The following FANCC variants were observed in gnomAD, a reference collection of about 807,000 sequenced individuals.
FANCC encodes FA complementation group C.
FANCC carries 55 observed loss-of-function variants against 71.3 expected under a neutral mutation model. The ratio of observed to expected loss-of-function variants is 0.77; its 90% CI spans 0.62 to 0.97. FANCC has a LOEUF of 0.97. Among genes scored for constraint, FANCC ranks in the 50% least tolerant of loss-of-function variants. The pLI is 0.00. For missense variants in FANCC, 678 were observed against 670.9 expected (o/e 1.01, Z -0.12); for synonymous variants, 275 against 244.9 (o/e 1.12, Z -1.15).
intron 6 of FANCC, among the ~76,000 whole-genome samples, chr9:95,151,410 T>C (rs1167489643): frequency 1.3e-5 from 2 of 152,234 alleles, no homozygotes; most frequent in Admixed American, 1.3e-4. Context: ...AAATTTAGTC[T>C]TGTGTTTTGT....
intron 1 of FANCC, among the ~76,000 whole-genome samples, chr9:95,306,756 C>T (rs897273935): frequency 2.6e-5 from 4 of 152,190 alleles, no homozygotes; most frequent in Non-Finnish European, 4.4e-5. Context: ...ACACAATCAA[C>T]CCAAGAAGTT....
chr9:95,161,461 CCCAAATTCCAGGAAGA>C (rs1306977312), intron 6 of FANCC, among the ~76,000 whole-genome samples: 2 of 152,174 alleles, frequency 1.3e-5, no homozygotes, highest in Non-Finnish European at 2.9e-5. Flanking sequence ...AACAAGGAAT[CCCAAATTCCAGGAAGA>C]CCAAATTGTT....
rs1008554650 is a variant in FANCC at position 95,099,442 on chromosome 9, C to T, written c.*2265G>A. 5.3e-5 allele frequency: 12 copies of T among 226,744 alleles called. No homozygotes were observed. Among genetic ancestry groups the T allele is most frequent in the South Asian group, 1.9e-4 (1 of 5,172 alleles). The allele number at this position is 226,744 out of a possible 1,614,324, so 14.0% of individuals were successfully genotyped here. A position where few individuals can be genotyped will look rare whatever the true frequency, so the allele number is the denominator to read the frequency against. ...GGCCCCCTCGGCCACGCCGCGTCCC[C>T]GCCCAGCATCTCGGATGCCATTCCT... is the stretch of plus-strand genomic sequence containing the variant. On this transcript the variant is annotated 3_prime_UTR_variant, in exon 15 of 15. Coordinates refer to ENST00000289081, the MANE Select transcript of FANCC (RefSeq NM_000136.3).
intron 7 of FANCC, among the ~76,000 whole-genome samples, chr9:95,141,988 T>TG (rs1201263910): frequency 2.2e-5 from 3 of 135,676 alleles, no homozygotes; most frequent in Non-Finnish European, 4.7e-5. Flanking sequence ...TTGTGGGGTT[T>TG]TTTTTTTTTT....
chr9:95,139,970 C>T (rs1291240958), intron 7 of FANCC, among the ~76,000 whole-genome samples: 1 of 151,154 alleles, frequency 6.6e-6, no homozygotes, highest in Non-Finnish European at 1.5e-5. Context: ...GTGACAGAAA[C>T]GCTAAGGTTG....
chr9:95,254,960 G>C (rs986664677), intron 1 of FANCC, among the ~76,000 whole-genome samples: 1 of 152,050 alleles, frequency 6.6e-6, no homozygotes, highest in African/African-American at 2.4e-5. Flanking sequence ...CAAAGCCGCA[G>C]GGATGTTCGC....
At chr9:95,120,831 T>TTTAGGTCTA (rs1310080579) in intron 10 of FANCC, among the ~76,000 whole-genome samples, 1 of 152,174 alleles carries the variant, frequency 6.6e-6, no homozygotes, top group Non-Finnish European at 1.5e-5. Flanking sequence ...TAGTTTTGGG[T>TTTAGGTCTA]TTAGGTCTAT....
chr9:95,247,062 G>T (rs1403510073), intron 3 of FANCC, among the ~76,000 whole-genome samples: 1 of 151,098 alleles, frequency 6.6e-6, no homozygotes, highest in Non-Finnish European at 1.5e-5. Context: ...AATTAACTCG[G>T]TATCATTAGT....
At chr9:95,135,214 A>T in intron 8 of FANCC, 132 bp downstream of exon 8, 1 of 896,892 alleles carries the variant, frequency 1.1e-6, no homozygotes, top group South Asian at 1.4e-5. Context: ...AATAAAATGT[A>T]AATACACGAT....
intron 13 of FANCC, chr9:95,110,884 A>G: frequency 8.1e-7 from 1 of 1,234,806 alleles, no homozygotes. Context: ...ACAGTTATCC[A>G]GTCCCATACT....
intron 10 of FANCC, chr9:95,123,886 G>A: frequency 3.9e-6 from 2 of 517,680 alleles, no homozygotes; most frequent in South Asian, 3.3e-5. Flanking sequence ...AGTCCTTAAA[G>A]TCTGAAGACG....
At chr9:95,232,652 T>G (rs1830077943) in intron 4 of FANCC, among the ~76,000 whole-genome samples, 1 of 152,152 alleles carries the variant, frequency 6.6e-6, no homozygotes, top group Non-Finnish European at 1.5e-5. Flanking sequence ...CTCAAAACAC[T>G]CCTGGCTTTT....
chr9:95,199,128 G>A (rs770878518), intron 4 of FANCC, among the ~76,000 whole-genome samples: 4 of 152,094 alleles, frequency 2.6e-5, no homozygotes, highest in Non-Finnish European at 4.4e-5. Flanking sequence ...TAAAACATCT[G>A]TTATTAAAAA....
At chr9:95,207,894 G>A (rs1321658531) in intron 4 of FANCC, among the ~76,000 whole-genome samples, 2 of 151,880 alleles carry the variant, frequency 1.3e-5, no homozygotes, top group Non-Finnish European at 2.9e-5. Context: ...CTGTCTTTTC[G>A]GTGTTTATTT....
intron 4 of FANCC, among the ~76,000 whole-genome samples, chr9:95,220,246 AG>A (rs1358665531): frequency 6.6e-6 from 1 of 152,238 alleles, no homozygotes; most frequent in Non-Finnish European, 1.5e-5. Context: ...GTGGAGAAAT[AG>A]GAACACTTTT....
intron 1 of FANCC, among the ~76,000 whole-genome samples, chr9:95,290,379 A>G (rs1833932028): frequency 6.6e-6 from 1 of 152,214 alleles, no homozygotes; most frequent in Non-Finnish European, 1.5e-5. Context: ...TCTGTCAGCA[A>G]TATCACTATT....
chr9:95,111,057 GGGCTGCTGGGGAGCGAGACAGGGCCCT>G lies in FANCC; in HGVS notation c.1329+379_1329+405del, dbSNP rs2071874731. ...GTCAAGATGGAAGCAAGCCCTGGCC[GGGCTGCTGGGGAGCGAGACAGGGCCCT>G]GGCTGTGGCCAGGCTCTGCTGCCGG... On this transcript the variant is annotated intron_variant, in intron 13 of 14. Coordinates refer to ENST00000289081, the MANE Select transcript of FANCC (RefSeq NM_000136.3). 3 of 1,475,746 alleles carry G rather than the reference GGGCTGCTGGGGAGCGAGACAGGGCCCT, an allele frequency of 2.0e-6. No individual in the cohort carries two copies. In the African/African-American group the frequency reaches 4.2e-5, roughly 21 times the overall value. 91.4% of individuals were successfully genotyped at this position (1,475,746 alleles called of 1,614,324 possible).
chr9:95,116,513 A>G (rs992662543), intron 11 of FANCC, among the ~76,000 whole-genome samples: 1 of 152,236 alleles, frequency 6.6e-6, no homozygotes, highest in African/African-American at 2.4e-5. Flanking sequence ...GAAAAAAGGC[A>G]GGCCCAAAAT....
At chr9:95,216,297 A>G (rs1040776883) in intron 4 of FANCC, among the ~76,000 whole-genome samples, 5 of 152,250 alleles carry the variant, frequency 3.3e-5, no homozygotes, top group African/African-American at 1.2e-4. Flanking sequence ...AGATGTAACA[A>G]TTCTAAATGT....
Sources: gnomAD v4.1 joint callset for allele counts (sites outside exome capture counted in the v4.1 genomes callset) on GRCh38, gnomAD v4.1.1 for gene constraint, MANE v1.5 for transcripts, NCBI Gene and HGNC (gene_info 2026-07-23, HGNC 2026-07-21) for gene names.